EXOC6B: variants seen among roughly 807,000 people sequenced by gnomAD.
The protein encoded by EXOC6B is SEC15 homolog B.
EXOC6B carries 54 observed loss-of-function variants against 113.5 expected under a neutral mutation model. The ratio of observed to expected loss-of-function variants is 0.48; its 90% CI spans 0.38 to 0.60. The LOEUF is 0.60. Ranked by LOEUF, EXOC6B falls within the 20% of genes least tolerant of loss-of-function variation. EXOC6B has a pLI of 0.00. For missense variants in EXOC6B, 797 were observed against 977.5 expected, an observed-to-expected ratio of 0.82 and a Z score of 2.46; for synonymous variants, 357 against 339.0, an observed-to-expected ratio of 1.05 and a Z score of -0.58.
chr2:72,631,210 A>G (rs1476525354), intron 6 of EXOC6B, among the ~76,000 whole-genome samples: 3 of 151,518 alleles, frequency 2.0e-5, no homozygotes, highest in Non-Finnish European at 4.4e-5. Context: ...ATATATGCAT[A>G]TGTGTATATA....
chr2:72,723,963 T>C (rs1383568477), intron 5 of EXOC6B, among the ~76,000 whole-genome samples: 1 of 152,168 alleles, frequency 6.6e-6, no homozygotes, highest in Non-Finnish European at 1.5e-5. Flanking sequence ...GACTTCTAGG[T>C]CATGGGCACA....
At chr2:72,213,361 T>G (rs1306726684) in intron 20 of EXOC6B, among the ~76,000 whole-genome samples, 1 of 152,166 alleles carries the variant, frequency 6.6e-6, no homozygotes, top group African/African-American at 2.4e-5. Flanking sequence ...AGTCACTAAG[T>G]TTGGGGTTAT....
intron 11 of EXOC6B, among the ~76,000 whole-genome samples, chr2:72,512,798 T>TATA (rs1395912652): frequency 7.9e-5 from 12 of 151,602 alleles, no homozygotes; most frequent in East Asian, 3.9e-4. Flanking sequence ...ATAAGGTAAA[T>TATA]ATAATAATAA....
chr2:72,744,632 A>G (rs1293556386), intron 1 of EXOC6B, among the ~76,000 whole-genome samples: 1 of 152,186 alleles, frequency 6.6e-6, no homozygotes, highest in East Asian at 1.9e-4. Context: ...ATATTATTCA[A>G]TAGTAGACAA....
At chr2:72,508,000 G>A (rs1248332512) in intron 11 of EXOC6B, among the ~76,000 whole-genome samples, 3 of 149,118 alleles carry the variant, frequency 2.0e-5, no homozygotes, top group African/African-American at 7.4e-5. Context: ...GATTTCTAAA[G>A]GAAAGATAAC....
chr2:72,411,182 AGC>A (rs1694161946), intron 18 of EXOC6B, among the ~76,000 whole-genome samples: 1 of 152,182 alleles, frequency 6.6e-6, no homozygotes, highest in East Asian at 1.9e-4. Context: ...ACTGCACTCC[AGC>A]CTGGGTGACA....
intron 6 of EXOC6B, among the ~76,000 whole-genome samples, chr2:72,689,606 G>A (rs1677338855): frequency 6.6e-6 from 1 of 152,272 alleles, no homozygotes; most frequent in East Asian, 1.9e-4. Flanking sequence ...TTGAATCAAT[G>A]CTCCTTTCTG....
intron 18 of EXOC6B, among the ~76,000 whole-genome samples, chr2:72,451,947 T>C (rs908961699): frequency 9.9e-5 from 15 of 152,182 alleles, no homozygotes; most frequent in Admixed American, 7.9e-4. Context: ...ACCACATTCC[T>C]GTTGCTCATT....
At chr2:72,815,088 A>G (rs1043936731) in intron 1 of EXOC6B, among the ~76,000 whole-genome samples, 7 of 152,268 alleles carry the variant, frequency 4.6e-5, no homozygotes, top group Non-Finnish European at 7.3e-5. Context: ...TCTTAAAAAC[A>G]ATGGTTTATT....
chr2:72,182,563 C>T (rs543945450), intron 21 of EXOC6B, among the ~76,000 whole-genome samples: 6 of 151,992 alleles, frequency 3.9e-5, no homozygotes, highest in Non-Finnish European at 5.9e-5. Context: ...GAGCTCCCTT[C>T]GGTCAGGGCT....
chr2:72,730,284 A>G (rs1320954167), intron 5 of EXOC6B, among the ~76,000 whole-genome samples: 1 of 152,204 alleles, frequency 6.6e-6, no homozygotes, highest in African/African-American at 2.4e-5. Flanking sequence ...TATTTTTTAG[A>G]TGAGATTAAC....
At chr2:72,371,121 T>G (rs576126495) in intron 19 of EXOC6B, among the ~76,000 whole-genome samples, 2 of 151,560 alleles carry the variant, frequency 1.3e-5, no homozygotes, top group South Asian at 2.1e-4. Flanking sequence ...CACAGTAGGA[T>G]AGGGCACCAG....
intron 5 of EXOC6B, among the ~76,000 whole-genome samples, chr2:72,729,412 ATT>A (rs547305397): frequency 1.8e-4 from 24 of 133,274 alleles, no homozygotes; most frequent in Middle Eastern, 3.9e-3. Flanking sequence ...TACACAGGTG[ATT>A]TTTTTTTTTT....
intron 1 of EXOC6B, among the ~76,000 whole-genome samples, chr2:72,756,214 T>G (rs902319162): frequency 9.9e-5 from 15 of 152,272 alleles, no homozygotes; most frequent in South Asian, 6.2e-4. Flanking sequence ...GACACTGTAA[T>G]GCAGAGTCAT....
At chr2:72,708,863 G>A (rs1266438490) in intron 6 of EXOC6B, among the ~76,000 whole-genome samples, 1 of 150,400 alleles carries the variant, frequency 6.6e-6, no homozygotes, top group Non-Finnish European at 1.5e-5. Flanking sequence ...CTGAGTAGCT[G>A]GGGTTACAGG....
intron 6 of EXOC6B, among the ~76,000 whole-genome samples, chr2:72,664,175 A>G (rs1675223095): frequency 6.6e-6 from 1 of 152,150 alleles, no homozygotes; most frequent in Non-Finnish European, 1.5e-5. Context: ...GCCAGGAGTA[A>G]GGAACAAAAT....
chr2:72,705,097 G>C (rs13407869), intron 6 of EXOC6B, among the ~76,000 whole-genome samples: 7,446 of 150,982 alleles, frequency 0.049, 586 homozygotes, highest in African/African-American at 0.17. Flanking sequence ...CTGGCAAACT[G>C]AATCCAGCAG....
At position 72,195,422 on chromosome 2, in the gene EXOC6B, T is replaced by C. The variant is rs13410366; in HGVS notation, c.2197-11235A>G. Reference sequence around the variant, plus strand: ...CATGGGCTGACTCAGTTGTCCCTTGTTGGGGTGGCAGAAGCAGGCAGGTGT... The same window carrying C: ...CATGGGCTGACTCAGTTGTCCCTTGCTGGGGTGGCAGAAGCAGGCAGGTGT... On this transcript the variant is annotated intron_variant, in intron 20 of 21. Coordinates refer to ENST00000272427, the MANE Select transcript of EXOC6B (RefSeq NM_015189.3). Among the ~76,000 whole-genome samples, 450 of 152,224 alleles carry C rather than the reference T, an allele frequency of 3.0e-3. 2 individuals carry two copies. Among genetic ancestry groups the C allele is most frequent in the African/African-American group, 0.011 (446 of 41,542 alleles).
At chr2:72,467,064 C>A (rs1353428326) in intron 17 of EXOC6B, among the ~76,000 whole-genome samples, 1 of 152,140 alleles carries the variant, frequency 6.6e-6, no homozygotes, top group Non-Finnish European at 1.5e-5. Flanking sequence ...TTTTTAGATG[C>A]TACACATGAG....
Sources: gnomAD v4.1 joint callset for allele counts (sites outside exome capture counted in the v4.1 genomes callset) on GRCh38, gnomAD v4.1.1 for gene constraint, MANE v1.5 for transcripts, NCBI Gene and HGNC (gene_info 2026-07-23, HGNC 2026-07-21) for gene names.